The following CCR6 variants were observed in gnomAD, a reference collection of about 807,000 sequenced individuals.
CCR6 encodes the protein C-C motif chemokine receptor 6.
A neutral mutation model predicts 3.0 loss-of-function variants in CCR6; 2 were observed. The ratio of observed to expected loss-of-function variants is 0.66; its 90% CI spans 0.27 to 2.07. The LOEUF (loss-of-function observed/expected upper bound fraction) is 2.07. CCR6 is among the 30% of genes most tolerant of loss of function. CCR6 has a pLI of 0.14. For synonymous variants in CCR6, 193 were observed against 184.3 expected (o/e 1.05, Z -0.38); for missense variants, 322 against 462.8 (o/e 0.70, Z 2.79).
At chr6:167,128,638 C>T (rs546166387) in intron 1 of CCR6, among the ~76,000 whole-genome samples, 1 of 152,358 alleles carries the variant, frequency 6.6e-6, no homozygotes, top group East Asian at 1.9e-4. Flanking sequence ...GTGGCACAAT[C>T]TCAGCTCTCT....
Position 167,137,339 on chromosome 6 carries a change from C to T in CCR6, c.1109C>T (p.Ser370Leu), listed in dbSNP as rs772577655. Residue 370 changes from serine to leucine, a missense_variant, in exon 3 of 3, where the codon TCG (serine) becomes TTG (leucine). Transcript: ENST00000341935. This position sits in a 1 kb window ranked among gnomAD's most constrained non-coding sequence, Gnocchi z 4.6. ...TSETADNDNA[S>L]SFTM ...GAGACCGCAGATAACGACAATGCGTCGTCCTTCACTATGTGATAGAAAGCT... is the reference window on the plus strand; with the variant it reads ...GAGACCGCAGATAACGACAATGCGTTGTCCTTCACTATGTGATAGAAAGCT... 5 of 1,611,830 alleles carry T rather than the reference C, an allele frequency of 3.1e-6. No individual in the cohort carries two copies. Among genetic ancestry groups the T allele is most frequent in the East Asian group, 2.2e-5 (1 of 44,892 alleles).
chr6:167,121,267 C>T (rs757071983), upstream of CCR6, among the ~76,000 whole-genome samples: 5 of 152,256 alleles, frequency 3.3e-5, no homozygotes, highest in Middle Eastern at 3.2e-3. Flanking sequence ...GGCCACACAA[C>T]GCGGTTTTGT....
chr6:167,115,211 G>A (rs1781475087), intron 1 of CCR6: 1 of 152,230 alleles, frequency 6.6e-6, no homozygotes, highest in African/African-American at 2.4e-5. Flanking sequence ...CCCGCAGTTG[G>A]CTGCTGGGTC....
chr6:167,122,984 A>G (rs1411993735), upstream of CCR6: 7 of 152,576 alleles, frequency 4.6e-5, no homozygotes, highest in East Asian at 1.9e-4. This position sits in a 1 kb window ranked among gnomAD's most constrained non-coding sequence, Gnocchi z 4.2. Flanking sequence ...CGATTACTCA[A>G]TACCCTACAG....
At chr6:167,132,992 G>T (rs984035972) in intron 1 of CCR6, among the ~76,000 whole-genome samples, 5 of 152,114 alleles carry the variant, frequency 3.3e-5, no homozygotes, top group Admixed American at 3.3e-4. Context: ...ATAGGGAGTT[G>T]TAAAAATTAT....
chr6:167,113,018 A>G (rs1015077), intron 1 of CCR6, among the ~76,000 whole-genome samples: 24,248 of 151,416 alleles, frequency 0.16, 2,905 homozygotes, highest in African/African-American at 0.32. Flanking sequence ...CCATTTGTAT[A>G]ACAATCTCGG....
intron 1 of CCR6, among the ~76,000 whole-genome samples, chr6:167,130,758 T>C (rs1468782644): frequency 6.6e-6 from 1 of 151,874 alleles, no homozygotes; most frequent in Non-Finnish European, 1.5e-5. Flanking sequence ...AGACATGGAA[T>C]TTATCAATTT....
rs145112098 is a variant in CCR6 at position 167,137,320 on chromosome 6, G to T, written c.1090G>T (p.Ala364Ser). 1.5e-5 allele frequency: 24 copies of T among 1,613,478 alleles called. No individual in the cohort carries two copies. The highest frequency in any genetic ancestry group is 2.0e-5 in the Non-Finnish European group (24 of 1,179,912). The change falls in exon 3 of 3, where the codon GCA (alanine) becomes TCA (serine). Residue 364 changes from alanine (A) to serine (S), a missense_variant. Coordinates refer to ENST00000341935, the MANE Select transcript of CCR6 (RefSeq NM_031409.4). This position sits in a 1 kb window ranked among gnomAD's most constrained non-coding sequence, Gnocchi z 4.6. ...CATTTCTCGGCAGACCAGTGAGACC[G>T]CAGATAACGACAATGCGTCGTCCTT... is the stretch of plus-strand genomic sequence containing the variant. ...ENISRQTSET[A>S]DNDNASSFTM
chr6:167,133,932 G>GTGTATATATATACATA lies in CCR6; in HGVS notation c.-97-2105_-97-2104insGTATATATATACATAT, dbSNP rs1183741225. 2.7e-5 allele frequency among the ~76,000 whole-genome samples: 3 copies of GTGTATATATATACATA among 110,396 alleles called. No individual in the cohort carries two copies. The East Asian group carries it at 7.7e-4, about 28-fold the overall frequency. The allele number at this position is 110,396 out of a possible 152,430, so 72.4% of individuals were successfully genotyped here. On this transcript the variant is annotated intron_variant, in intron 1 of 2. Transcript: ENST00000341935. ...ATACTATTATATATGATATATGTGT[G>GTGTATATATATACATA]TATATATATATATATATATATATAT...
chr6:167,117,531 C>T (rs1335029593), intron 1 of CCR6, among the ~76,000 whole-genome samples: 1 of 151,062 alleles, frequency 6.6e-6, no homozygotes, highest in Non-Finnish European at 1.5e-5. Context: ...ATTCTCCTGC[C>T]TCAGCCTCCC....
At chr6:167,127,568 A>G (rs2114924272) in intron 1 of CCR6, among the ~76,000 whole-genome samples, 1 of 152,378 alleles carries the variant, frequency 6.6e-6, no homozygotes, top group East Asian at 1.9e-4. Context: ...ATGCATTAGA[A>G]TAATACAGAG....
At chr6:167,118,159 T>A (rs1327599274), upstream of CCR6, among the ~76,000 whole-genome samples, 6 of 152,132 alleles carry the variant, frequency 3.9e-5, no homozygotes. Flanking sequence ...CCCCTCTTTA[T>A]GACTCAATAG....
chr6:167,132,666 A>G (rs1030532078), intron 1 of CCR6, among the ~76,000 whole-genome samples: 8 of 152,026 alleles, frequency 5.3e-5, no homozygotes, highest in African/African-American at 1.7e-4. Context: ...TCAGCCCCCC[A>G]AGTAGCTGGG....
chr6:167,121,153 C>T (rs559843295), upstream of CCR6, among the ~76,000 whole-genome samples: 2 of 152,342 alleles, frequency 1.3e-5, no homozygotes, highest in East Asian at 1.9e-4. Context: ...AGATCCCTGC[C>T]TCTGTGCAGT....
Position 167,133,932 on chromosome 6 carries a change from GTATATA to G in CCR6, c.-97-2073_-97-2068del, listed in dbSNP as rs6149918. On this transcript the variant is annotated intron_variant, in intron 1 of 2. Transcript: ENST00000341935. ...ATACTATTATATATGATATATGTGT[GTATATA>G]TATATATATATATATATATATATAT... Among the ~76,000 whole-genome samples the G allele has an allele frequency of 4.6e-3, 503 of 110,386 alleles. 25 individuals carry two copies. Among genetic ancestry groups the G allele is most frequent in the East Asian group, 0.038 (148 of 3,892 alleles). The allele number at this position is 110,386 out of a possible 152,430, so 72.4% of individuals were successfully genotyped here. A position where few individuals can be genotyped will look rare whatever the true frequency, so the allele number is the denominator to read the frequency against.
intron 1 of CCR6, among the ~76,000 whole-genome samples, chr6:167,133,933 T>TGTATATATATAC (rs1781809388): frequency 4.5e-4 from 1 of 2,214 alleles, no homozygotes; most frequent in East Asian, 0.011. Context: ...TATATGTGTG[T>TGTATATATATAC]ATATATATAT....
At chr6:167,120,135 G>T (rs1487419050), upstream of CCR6, among the ~76,000 whole-genome samples, 2 of 152,100 alleles carry the variant, frequency 1.3e-5, no homozygotes, top group Admixed American at 6.5e-5. Context: ...GGCTCTGGGG[G>T]TCAACTGGGC....
intron 1 of CCR6, among the ~76,000 whole-genome samples, chr6:167,133,445 G>A (rs1212225714): frequency 6.6e-6 from 1 of 152,134 alleles, no homozygotes; most frequent in Non-Finnish European, 1.5e-5. Context: ...CCTCTGTTCT[G>A]TTCCAGTGAT....
chr6:167,135,750 G>A (rs561243219), intron 1 of CCR6, among the ~76,000 whole-genome samples: 38 of 152,174 alleles, frequency 2.5e-4, no homozygotes, highest in Non-Finnish European at 5.0e-4. Flanking sequence ...CTAGCCAACG[G>A]ACCCCGGCGA....
Sources: gnomAD v4.1 joint callset for allele counts (sites outside exome capture counted in the v4.1 genomes callset) on GRCh38, gnomAD v4.1.1 for gene constraint, Gnocchi (gnomAD v3.1) non-coding constraint, MANE v1.5 for transcripts, NCBI Gene and HGNC (gene_info 2026-07-23, HGNC 2026-07-21) for gene names.